CES1: variants seen among roughly 807,000 people sequenced by gnomAD.
CES1 encodes the protein liver carboxylesterase 1.
A neutral mutation model predicts 53.0 loss-of-function variants in CES1; 50 were observed. The ratio of observed to expected loss-of-function variants is 0.94; its 90% CI spans 0.75 to 1.19. The LOEUF (loss-of-function observed/expected upper bound fraction) is 1.19, where lower values mean the gene tolerates loss of function less well. CES1 is among the 50% of genes most tolerant of loss of function. The pLI is 0.00. For synonymous variants in CES1, 202 were observed against 210.1 expected (o/e 0.96, Z 0.33); for missense variants, 534 against 538.0 (o/e 0.99, Z 0.07).
In CES1 at chr16:55,821,357, G is replaced by T; in HGVS notation, c.693+11C>A. 6.2e-7 allele frequency: 1 copy of T among 1,614,210 alleles called. No individual in the cohort carries two copies. Among genetic ancestry groups the T allele is most frequent in the Non-Finnish European group, 8.5e-7 (1 of 1,180,034 alleles). ...AAGCGTGGGGTTGGGCCTGGTGACA[G>T]GAAAACTCACAAGAACAGAGACACT... On this transcript the variant is annotated intron_variant, in intron 5 of 13. Transcript: ENST00000360526.
chr16:55,822,370 G>T (rs1177465082), intron 4 of CES1, among the ~76,000 whole-genome samples: 2 of 152,240 alleles, frequency 1.3e-5, no homozygotes, highest in African/African-American at 4.8e-5. Context: ...TGCAAAGTAG[G>T]GGACTCTGAG....
chr16:55,814,095 A>C (rs1425379492), intron 8 of CES1, among the ~76,000 whole-genome samples: 2 of 152,236 alleles, frequency 1.3e-5, no homozygotes, highest in Admixed American at 6.5e-5. Flanking sequence ...TCTGTATTTA[A>C]ACAAGAGCTG....
chr16:55,823,873 A>G (rs572997774), intron 3 of CES1, among the ~76,000 whole-genome samples, 190 bp from the exon 4 acceptor site: 1 of 152,374 alleles, frequency 6.6e-6, no homozygotes, highest in South Asian at 2.1e-4. Flanking sequence ...GACCCAAGCC[A>G]CCACCCTACT....
In CES1 at chr16:55,810,575, G is replaced by T. The variant is rs139540470; in HGVS notation, c.1260C>A (p.Asp420Glu). Residue 420 changes from aspartate (D) to glutamate (E), a missense_variant, in exon 11 of 14, where the codon GAC becomes GAA. Coordinates refer to ENST00000360526, the MANE Select transcript of CES1 (RefSeq NM_001025195.2). The part of the protein sequence containing the change: ...DTVKKKDLFL[D>E]LIADVMFGVP... Reference sequence around the variant, plus strand: ...CACCAAACATCACATCTGCTATCAAGTCCAGGAACAGGTCTTTCTTTTTGA... The same window carrying T: ...CACCAAACATCACATCTGCTATCAATTCCAGGAACAGGTCTTTCTTTTTGA... 1 of 1,614,164 alleles carries T rather than the reference G, an allele frequency of 6.2e-7. No homozygotes were observed. The highest frequency in any genetic ancestry group is 8.5e-7 in the Non-Finnish European group (1 of 1,180,024).
intron 2 of CES1, among the ~76,000 whole-genome samples, chr16:55,826,665 GTC>G (rs2032430371): frequency 6.6e-6 from 1 of 152,134 alleles, no homozygotes; most frequent in East Asian, 1.9e-4. Context: ...CTCTAGTTTT[GTC>G]TCTCCCATGC....
At position 55,826,269 on chromosome 16, in the gene CES1, T is replaced by G; in HGVS notation, c.287A>C (p.Gln96Pro). Reference sequence around the variant, plus strand: ...GTTTGTAAATAGCTCTGAGAGTAACTGCCCCGCCTTGGGATCTTGGGTGCA... The same window carrying G: ...GTTTGTAAATAGCTCTGAGAGTAACGGCCCCGCCTTGGGATCTTGGGTGCA... The part of the protein sequence containing the change: ...PMCTQDPKAG[Q>P]LLSELFTNRK... Residue 96 changes from glutamine to proline, a missense_variant, in exon 3 of 14, where the codon CAG (glutamine) becomes CCG (proline). Coordinates refer to ENST00000360526, the MANE Select transcript of CES1 (RefSeq NM_001025195.2). 1 of 1,613,990 alleles carries G rather than the reference T, an allele frequency of 6.2e-7. No individual in the cohort carries two copies. Among genetic ancestry groups the G allele is most frequent in the South Asian group, 1.1e-5 (1 of 91,078 alleles).
At chr16:55,819,378 G>A (rs573211679) in intron 7 of CES1, among the ~76,000 whole-genome samples, 157 bp downstream of exon 7, 14 of 152,180 alleles carry the variant, frequency 9.2e-5, no homozygotes, top group African/African-American at 3.4e-4. Flanking sequence ...TACATTTGTG[G>A]CATTTTACAA....
chr16:55,831,714 C>G (rs1253238499), intron 1 of CES1, among the ~76,000 whole-genome samples: 3 of 149,240 alleles, frequency 2.0e-5, no homozygotes, highest in Non-Finnish European at 3.0e-5. Flanking sequence ...CTTCTCTGCC[C>G]TTCCCCACAG....
chr16:55,823,932 C>T (rs1209388755), intron 3 of CES1, among the ~76,000 whole-genome samples: 1 of 152,264 alleles, frequency 6.6e-6, no homozygotes, highest in Admixed American at 6.5e-5. Flanking sequence ...CCAGTGCCTC[C>T]TCCCCGAAAG....
intron 8 of CES1, among the ~76,000 whole-genome samples, chr16:55,816,001 A>G (rs62028604): frequency 6.7e-6 from 1 of 149,750 alleles, no homozygotes; most frequent in Non-Finnish European, 1.5e-5. Context: ...GGGTCTTTGC[A>G]GTGACTGTTC....
chr16:55,808,367 T>C (rs2031529380), intron 11 of CES1, among the ~76,000 whole-genome samples: 1 of 152,100 alleles, frequency 6.6e-6, no homozygotes, highest in Admixed American at 6.5e-5. Context: ...TAATGACAAT[T>C]AGACATAATA....
intron 3 of CES1, among the ~76,000 whole-genome samples, chr16:55,825,175 AGAATGAAT>A (rs3064342): frequency 0.12 from 18,216 of 150,372 alleles, 3,016 homozygotes; most frequent in African/African-American, 0.38. Context: ...ACACAATAGA[AGAATGAAT>A]GAATGAATGA....
At position 55,826,294 on chromosome 16, in the gene CES1, A is replaced by AGATCTTTCC. The variant is rs2032416234; in HGVS notation, c.261_262insGGAAAGATC (p.Met87_Cys88insGlyLysIle). The AGATCTTTCC allele has an allele frequency of 1.2e-6, 2 of 1,613,974 alleles. No individual in the cohort carries two copies. Among genetic ancestry groups the AGATCTTTCC allele is most frequent in the East Asian group, 4.5e-5 (2 of 44,888 alleles). On this transcript the variant is annotated inframe_insertion and splice_region_variant, in exon 3 of 14. Transcript: ENST00000360526. ...TGCCCCGCCTTGGGATCTTGGGTGC[A>AGATCTTTCC]CCTGGGGAGGGGGAAAGAAGAACCC...
intron 8 of CES1, among the ~76,000 whole-genome samples, chr16:55,816,630 G>T (rs1304891717): frequency 6.6e-6 from 1 of 152,202 alleles, no homozygotes; most frequent in African/African-American, 2.4e-5. Flanking sequence ...TCCTCCTACA[G>T]TGCCATTTTG....
chr16:55,813,524 G>C lies in CES1; in HGVS notation c.946-481C>G, dbSNP rs1422207411. On this transcript the variant is annotated intron_variant, in intron 8 of 13. Transcript: ENST00000360526. Reference sequence around the variant, plus strand: ...CTTCTTTTATGTGTGGGTTTCTGTTGAAAGAGACTTCCACGGCTCCATCCC... The same window carrying C: ...CTTCTTTTATGTGTGGGTTTCTGTTCAAAGAGACTTCCACGGCTCCATCCC... Among the ~76,000 whole-genome samples the C allele has an allele frequency of 2.0e-5, 3 of 152,112 alleles. No homozygotes were observed. The East Asian group carries it at 5.8e-4, about 29-fold the overall frequency.
At chr16:55,817,176 C>A (rs1382833324) in intron 7 of CES1, among the ~76,000 whole-genome samples, 1 of 152,150 alleles carries the variant, frequency 6.6e-6, no homozygotes, top group Non-Finnish European at 1.5e-5. Flanking sequence ...TACCCCAAAA[C>A]TTTTGCAGGA....
intron 7 of CES1, 28 bp downstream of exon 7, chr16:55,819,507 G>A (rs769836512): frequency 1.3e-6 from 2 of 1,538,472 alleles, no homozygotes; most frequent in Admixed American, 1.7e-5. Flanking sequence ...AGTTTACAGG[G>A]TTTGGGCTAC....
At chr16:55,822,424 A>G (rs2032236219) in intron 4 of CES1, among the ~76,000 whole-genome samples, 1 of 152,218 alleles carries the variant, frequency 6.6e-6, no homozygotes, top group South Asian at 2.1e-4. Flanking sequence ...GAAAAGAGAC[A>G]GTCCGGGCTG....
At chr16:55,818,741 T>A (rs193059700) in intron 7 of CES1, among the ~76,000 whole-genome samples, 3,048 of 151,680 alleles carry the variant, frequency 0.02, 23 homozygotes, top group Middle Eastern at 0.078. Flanking sequence ...ATATTTAGCA[T>A]GGATGGATGG....
Sources: gnomAD v4.1 joint callset for allele counts (sites outside exome capture counted in the v4.1 genomes callset) on GRCh38, gnomAD v4.1.1 for gene constraint, MANE v1.5 for transcripts, NCBI Gene and HGNC (gene_info 2026-07-23, HGNC 2026-07-21) for gene names.